The following ANKRD26 variants were observed in gnomAD, a reference collection of about 807,000 sequenced individuals.
The protein encoded by ANKRD26 is ankyrin repeat domain-containing protein 26.
A neutral mutation model predicts 208.7 loss-of-function variants in ANKRD26; 141 were observed. The ratio of observed to expected loss-of-function variants is 0.68; its 90% confidence interval spans 0.59 to 0.78. The LOEUF is 0.78. ANKRD26 is among the 30% of genes least tolerant of loss of function. The pLI, the probability that ANKRD26 is intolerant of heterozygous loss-of-function variation, is 0.00. For synonymous variants in ANKRD26, 636 were observed against 660.4 expected (o/e 0.96, Z 0.57); for missense variants, 1,889 against 1,938.7 (o/e 0.97, Z 0.48).
At chr10:27,083,338 T>G (rs1451045613) in intron 5 of ANKRD26, among the ~76,000 whole-genome samples, 2 of 151,792 alleles carry the variant, frequency 1.3e-5, no homozygotes, top group African/African-American at 4.8e-5. Flanking sequence ...AAAAAACCCA[T>G]GCACTCTTAA....
intron 5 of ANKRD26, among the ~76,000 whole-genome samples, chr10:26,993,008 T>C (rs2052517229): frequency 6.6e-6 from 1 of 152,196 alleles, no homozygotes; most frequent in South Asian, 2.1e-4. Context: ...AAAGAGATAC[T>C]CATGTGTCTA....
intron 20 of ANKRD26, among the ~76,000 whole-genome samples, chr10:27,042,391 C>A (rs902418504): frequency 6.6e-6 from 1 of 151,734 alleles, no homozygotes; most frequent in African/African-American, 2.4e-5. Context: ...CCAAGGTGGG[C>A]AGATCACTTG....
the ANKRD26 span, among the ~76,000 whole-genome samples, chr10:26,959,882 T>C: frequency 6.6e-6 from 1 of 152,190 alleles, no homozygotes; most frequent in Non-Finnish European, 1.5e-5. Flanking sequence ...TAGTAAAGAC[T>C]TAATTGATGC....
exon 5 of ANKRD26, among the ~76,000 whole-genome samples, chr10:26,980,694 C>T (rs545161072): frequency 3.3e-5 from 5 of 152,196 alleles, no homozygotes; most frequent in South Asian, 2.1e-4. Context: ...CATCAGGAGA[C>T]GGAGTTGTAG....
rs748786279 is a variant in ANKRD26, at chr10:27,014,662, A to C, written c.4556T>G (p.Phe1519Cys). 5 of 1,613,422 alleles carry C rather than the reference A, an allele frequency of 3.1e-6. No individual in the cohort carries two copies. The highest frequency in any genetic ancestry group is 4.2e-6 in the Non-Finnish European group (5 of 1,179,886). Residue 1519 changes from phenylalanine to cysteine, a missense_variant, in exon 31 of 34, where the codon TTT becomes TGT. By Grantham distance (205) the Phe-to-Cys change is radical. Coordinates refer to ENST00000376087, the MANE Select transcript of ANKRD26 (RefSeq NM_014915.3). ...TTCCATCTGACTTTTCATTGAAGCA[A>C]AATTATTCTCTCTAAACTGCTCTAA... Reference protein sequence around the residue: ...ENLEQFRENNFASMKSQMELR... With the variant: ...ENLEQFRENNCASMKSQMELR...
At chr10:27,035,804 A>G in intron 23 of ANKRD26, 52 bp from the exon 24 acceptor site, 1 of 1,249,798 alleles carries the variant, frequency 8.0e-7, no homozygotes, top group Non-Finnish European at 1.2e-6. Flanking sequence ...ATGACAGATC[A>G]TGATTTCCTC....
the ANKRD26 span, among the ~76,000 whole-genome samples, chr10:26,953,051 G>A: frequency 3.3e-5 from 5 of 152,148 alleles, no homozygotes; most frequent in East Asian, 3.9e-4. Flanking sequence ...TGATTATACC[G>A]TTTAAAACAT....
chr10:26,952,444 G>A, the ANKRD26 span, among the ~76,000 whole-genome samples: 5 of 147,292 alleles, frequency 3.4e-5, no homozygotes, highest in Non-Finnish European at 7.4e-5. Context: ...GTAGGTTTTG[G>A]GCACCTTTTA....
chr10:27,062,102 ATC>A (rs2055078284), intron 12 of ANKRD26: 1 of 984,920 alleles, frequency 1.0e-6, no homozygotes. Context: ...CCCACTCACG[ATC>A]TCTCTTCTTT....
chr10:27,032,363 G>A (rs537685327), intron 25 of ANKRD26, among the ~76,000 whole-genome samples: 47 of 152,162 alleles, frequency 3.1e-4, no homozygotes, highest in Middle Eastern at 3.4e-3. Flanking sequence ...GGCCAGGTGC[G>A]GTGGCTCACA....
chr10:27,004,036 A>C (rs756421150), downstream of ANKRD26: 2 of 152,184 alleles, frequency 1.3e-5, no homozygotes, highest in Non-Finnish European at 2.9e-5. Context: ...CCATTATACT[A>C]CAGTTATGTA....
rs758480659 is a variant in ANKRD26, at chr10:27,035,406, G to A, written c.3044C>T (p.Ala1015Val). ...EVESYHSRLA[A>V]AIHDRDQSET... ...ACTTTGATCACGATCATGTATAGCA[G>A]CAGCCAATCTAGAATGGTATGATTC... Residue 1015 changes from alanine (A) to valine (V), a missense_variant, in exon 24 of 34, where the codon GCT (alanine) becomes GTT (valine). This residue lies in a region of ANKRD26 where 1,272 missense variants were observed against 1,273.8 expected (regional missense o/e 1.00). Coordinates refer to ENST00000376087, the MANE Select transcript of ANKRD26 (RefSeq NM_014915.3). 17 of 1,613,790 alleles carry A rather than the reference G, an allele frequency of 1.1e-5. No homozygotes were observed. The Admixed American group carries it at 2.7e-4, about 25-fold the overall frequency.
chr10:27,003,408 T>A (rs137877302), downstream of ANKRD26, among the ~76,000 whole-genome samples: 72 of 152,322 alleles, frequency 4.7e-4, no homozygotes, highest in Middle Eastern at 3.4e-3. Context: ...AGTCATCATT[T>A]GGCAACCATC....
chr10:27,054,355 TG>T (rs2054769441), intron 15 of ANKRD26, among the ~76,000 whole-genome samples: 1 of 151,762 alleles, frequency 6.6e-6, no homozygotes, highest in African/African-American at 2.4e-5. Context: ...GAGGTCGAGG[TG>T]GGTGGATCAC....
At position 27,034,823 on chromosome 10, in the gene ANKRD26, T is replaced by C. The variant is rs759957971; in HGVS notation, c.3627A>G (p.Gln1209=). 5.0e-6 allele frequency: 8 copies of C among 1,609,912 alleles called. No homozygotes were observed. In the Admixed American group the frequency reaches 1.0e-4, roughly 20 times the overall value. ...CTCTTTCTGCCTTTTCATTTTCATA[T>C]TGATACTGTCTTTCTTTTAAGTGAT... is the stretch of plus-strand genomic sequence containing the variant. ...ECNHLKERQY[Q]YENEKAEREV... The change falls in exon 24 of 34, where the codon CAA becomes CAG. Residue 1209 remains glutamine (Q), a synonymous_variant. Transcript: ENST00000376087.
At chr10:27,079,993 TA>T in intron 6 of ANKRD26, 3 of 306,306 alleles carry the variant, frequency 9.8e-6, no homozygotes, top group African/African-American at 2.3e-5. Flanking sequence ...CTGTCTCTAC[TA>T]AAAATACAAA....
the ANKRD26 span, among the ~76,000 whole-genome samples, chr10:26,948,953 C>T: frequency 6.6e-6 from 1 of 151,994 alleles, no homozygotes; most frequent in Admixed American, 6.6e-5. Flanking sequence ...CGAAATCTCA[C>T]CATTGCACTC....
intron 5 of ANKRD26, 111 bp downstream of exon 5, chr10:27,086,428 C>T: frequency 7.4e-7 from 1 of 1,354,330 alleles, no homozygotes; most frequent in South Asian, 1.4e-5. Flanking sequence ...AATACACATG[C>T]ACCTTATACA....
intron 18 of ANKRD26, among the ~76,000 whole-genome samples, chr10:27,044,900 T>C (rs942098144): frequency 6.6e-6 from 1 of 152,206 alleles, no homozygotes; most frequent in Non-Finnish European, 1.5e-5. Flanking sequence ...GTAATATTTA[T>C]TTTCAAGTGT....
Sources: gnomAD v4.1 joint callset for allele counts (sites outside exome capture counted in the v4.1 genomes callset) on GRCh38, gnomAD v4.1.1 for gene constraint, gnomAD v4.1.1 regional missense constraint, MANE v1.5 for transcripts, NCBI Gene and HGNC (gene_info 2026-07-23, HGNC 2026-07-21) for gene names.